NCOA2: variants seen among roughly 807,000 people sequenced by gnomAD.
The protein encoded by NCOA2 is class E basic helix-loop-helix protein 75.
A neutral mutation model predicts 145.1 loss-of-function variants in NCOA2; 21 were observed. The ratio of observed to expected loss-of-function variants is 0.14; its 90% CI spans 0.10 to 0.21. The LOEUF is 0.21. NCOA2 is among the 10% of genes least tolerant of loss of function. NCOA2 has a pLI of 1.00. For synonymous variants in NCOA2, 619 were observed against 637.5 expected (o/e 0.97, Z 0.44); for missense variants, 1,472 against 1,837.6 (o/e 0.80, Z 3.64).
At chr8:70,313,334 G>A (rs1805281301) in intron 1 of NCOA2, among the ~76,000 whole-genome samples, 1 of 152,068 alleles carries the variant, frequency 6.6e-6, no homozygotes, top group South Asian at 2.1e-4. Context: ...AACCAAACAA[G>A]TTTCTTTTTA....
intron 2 of NCOA2, among the ~76,000 whole-genome samples, chr8:70,241,445 C>T (rs749418788): frequency 2.0e-5 from 3 of 152,032 alleles, no homozygotes; most frequent in African/African-American, 4.8e-5. Flanking sequence ...CTTTTCAATG[C>T]GGACCGAATA....
At chr8:70,225,913 G>A (rs1820589822) in intron 2 of NCOA2, among the ~76,000 whole-genome samples, 1 of 152,072 alleles carries the variant, frequency 6.6e-6, no homozygotes, top group African/African-American at 2.4e-5. Context: ...TAAAACTGGA[G>A]CAATAATACA....
At chr8:70,205,168 T>C (rs774824366) in intron 4 of NCOA2, among the ~76,000 whole-genome samples, 1 of 151,696 alleles carries the variant, frequency 6.6e-6, no homozygotes, top group Non-Finnish European at 1.5e-5. Context: ...TCAAAGGAGA[T>C]GAATTCATAT....
At chr8:70,434,831 A>G in the NCOA2 span, among the ~76,000 whole-genome samples, 3 of 152,076 alleles carry the variant, frequency 2.0e-5, no homozygotes, top group Non-Finnish European at 2.9e-5. Context: ...TTGGTTTCTC[A>G]AAGTGCAATT....
In NCOA2 at chr8:70,131,839, G is replaced by T; in HGVS notation, c.3322C>A (p.Gln1108Lys). ...RALGIPELVS[Q>K]SQAVDPEQFS... ...ACCTGCTGCCCTTCCGCGCATACCTGGCTGACCAGTTCGGGTATTCCTAAG... is the reference window on the plus strand; with the variant it reads ...ACCTGCTGCCCTTCCGCGCATACCTTGCTGACCAGTTCGGGTATTCCTAAG... Residue 1108 changes from glutamine (Q) to lysine (K), a missense_variant and splice_region_variant, in exon 16 of 23, where the codon CAG becomes AAG. This residue lies in a region of NCOA2 where 953 missense variants were observed against 1,062.1 expected (regional missense o/e 0.90). Transcript: ENST00000452400. 1 of 1,587,040 alleles carries T rather than the reference G, an allele frequency of 6.3e-7. No homozygotes were observed. Among genetic ancestry groups the T allele is most frequent in the Non-Finnish European group, 8.6e-7 (1 of 1,167,100 alleles).
chr8:70,308,447 G>T (rs1422920909), intron 1 of NCOA2, among the ~76,000 whole-genome samples: 2 of 151,934 alleles, frequency 1.3e-5, no homozygotes, highest in East Asian at 1.9e-4. Context: ...GTGTGTGTGT[G>T]TATCTGTGAG....
intron 2 of NCOA2, among the ~76,000 whole-genome samples, chr8:70,275,536 A>G (rs1825400468): frequency 6.6e-6 from 1 of 152,186 alleles, no homozygotes; most frequent in Non-Finnish European, 1.5e-5. Context: ...TTTTATATGT[A>G]GGAATCTGAT....
At position 70,156,039 on chromosome 8, in the gene NCOA2, C is replaced by G. The variant is rs1812250954; in HGVS notation, c.2326G>C (p.Ala776Pro). 1.2e-6 allele frequency: 2 copies of G among 1,609,306 alleles called. No homozygotes were observed. Among genetic ancestry groups the G allele is most frequent in the Non-Finnish European group, 1.7e-6 (2 of 1,178,520 alleles). ...ATTGCTATTAATTTTGTGTTACTGG[C>G]AGGATCTGTCTTACTGTCCAGTCTC... Reference protein sequence around the residue: ...LERLDSKTDPASNTKLIAMKT... With the variant: ...LERLDSKTDPPSNTKLIAMKT... The change falls in exon 11 of 23, where the codon GCC becomes CCC. Residue 776 changes from alanine (A) to proline (P), a missense_variant. Ala to Pro is a conservative substitution (Grantham distance 27). Transcript: ENST00000452400.
At chr8:70,296,851 G>C (rs1234708443) in intron 1 of NCOA2, 51 bp from the exon 2 acceptor site, 1 of 152,160 alleles carries the variant, frequency 6.6e-6, no homozygotes, top group Non-Finnish European at 1.5e-5. Context: ...AGAATCCTAA[G>C]ATTCCTTAGA....
At chr8:70,290,791 A>G (rs185814400) in intron 2 of NCOA2, among the ~76,000 whole-genome samples, 1 of 152,142 alleles carries the variant, frequency 6.6e-6, no homozygotes, top group East Asian at 1.9e-4. Flanking sequence ...GTTCAAAATA[A>G]CATGTATGAA....
intron 9 of NCOA2, among the ~76,000 whole-genome samples, chr8:70,160,659 C>CAGAGAGAGAGAGAGAGAG (rs776025101): frequency 0.012 from 1,592 of 132,190 alleles, 21 homozygotes; most frequent in Admixed American, 0.02. Context: ...AAGTGAGAGA[C>CAGAGAGAGAGAGAGAGAG]AGAGAGAGAG....
chr8:70,159,219 A>G (rs1812616933), intron 10 of NCOA2, among the ~76,000 whole-genome samples: 1 of 22,788 alleles, frequency 4.4e-5, no homozygotes, highest in Non-Finnish European at 1.2e-4. Context: ...ATACAGTATA[A>G]CATTATATAT....
At chr8:70,162,622 C>T (rs1813158776) in intron 9 of NCOA2, 89 bp downstream of exon 9, 3 of 1,372,494 alleles carry the variant, frequency 2.2e-6, no homozygotes, top group Admixed American at 4.2e-5. Flanking sequence ...CAGTCACCAG[C>T]TCTGTTCCCA....
In NCOA2 at chr8:70,345,017, C is replaced by T. The variant is rs78462962; in HGVS notation, c.-76-48217G>A. Among the ~76,000 whole-genome samples, 717 of 152,252 alleles carry T rather than the reference C, an allele frequency of 4.7e-3. 3 individuals are homozygous for T. Among genetic ancestry groups the T allele is most frequent in the Non-Finnish European group, 7.5e-3 (512 of 68,028 alleles). ...ATTTAATGTCCAAATTCCTCAATCA[C>T]GCCTGGAAACATTTAAGCCTGTCAT... On this transcript the variant is annotated intron_variant, in intron 1 of 22. Coordinates refer to ENST00000452400, the MANE Select transcript of NCOA2 (RefSeq NM_006540.4).
At chr8:70,331,919 T>G (rs1405853705) in intron 1 of NCOA2, among the ~76,000 whole-genome samples, 1 of 152,104 alleles carries the variant, frequency 6.6e-6, no homozygotes. Context: ...ATGACATGAA[T>G]AGAGATGCTG....
In NCOA2 at chr8:70,112,965, C is replaced by T. The variant is rs1455626428; in HGVS notation, c.*667G>A. 5.5e-5 allele frequency: 11 copies of T among 198,624 alleles called. No homozygotes were observed. The South Asian group carries it at 7.6e-4, about 14-fold the overall frequency. 12.3% of individuals were successfully genotyped at this position (198,624 alleles called of 1,614,324 possible). ...AAAAAATATTTGCTAATGTTAACAG[C>T]CCTCTCACAGGCTCCTTTTCATCTG... On this transcript the variant is annotated 3_prime_UTR_variant, in exon 23 of 23. Coordinates refer to ENST00000452400, the MANE Select transcript of NCOA2 (RefSeq NM_006540.4).
intron 1 of NCOA2, among the ~76,000 whole-genome samples, chr8:70,379,826 T>TGTCA (rs200667057): frequency 8.2e-6 from 1 of 122,070 alleles, no homozygotes; most frequent in African/African-American, 4.0e-5. Context: ...CTTCTGATTC[T>TGTCA]ATCGTTTCTG....
intron 22 of NCOA2, among the ~76,000 whole-genome samples, chr8:70,118,250 C>G (rs1361814737): frequency 6.6e-6 from 1 of 152,216 alleles, no homozygotes; most frequent in Non-Finnish European, 1.5e-5. Context: ...AGAGGTTGAG[C>G]TCCCTGGCAC....
intron 4 of NCOA2, among the ~76,000 whole-genome samples, chr8:70,192,698 G>A (rs1010531747): frequency 6.6e-6 from 1 of 152,166 alleles, no homozygotes; most frequent in Non-Finnish European, 1.5e-5. Flanking sequence ...AGCCTCTATA[G>A]TATCCCTCCT....
Sources: gnomAD v4.1 joint callset for allele counts (sites outside exome capture counted in the v4.1 genomes callset) on GRCh38, gnomAD v4.1.1 for gene constraint, gnomAD v4.1.1 regional missense constraint, MANE v1.5 for transcripts, NCBI Gene and HGNC (gene_info 2026-07-23, HGNC 2026-07-21) for gene names.